The following RYR2 variants were observed in gnomAD, a reference collection of about 807,000 sequenced individuals.
RYR2 encodes the protein cardiac muscle ryanodine receptor-calcium release channel.
A neutral mutation model predicts 601.1 loss-of-function variants in RYR2; 227 were observed. The observed-to-expected ratio is 0.38, with a 90% CI of 0.34 to 0.42. RYR2 has a LOEUF of 0.42. Among genes scored for constraint, RYR2 ranks in the 10% least tolerant of loss-of-function variants. RYR2 has a pLI of 1.00. For missense variants in RYR2, 4,646 were observed against 6,156.5 expected, an observed-to-expected ratio of 0.75 and a Z score of 8.21; for synonymous variants, 2,223 against 2,175.1, an observed-to-expected ratio of 1.02 and a Z score of -0.61.
At chr1:237,083,014 A>G (rs1558201568) in intron 1 of RYR2, among the ~76,000 whole-genome samples, 1 of 152,184 alleles carries the variant, frequency 6.6e-6, no homozygotes, top group Admixed American at 6.6e-5. Context: ...ATAAATGTTT[A>G]TAGTGACTTG....
At chr1:237,573,231 TACACACAC>T (rs10556537) in intron 29 of RYR2, among the ~76,000 whole-genome samples, 109 of 148,716 alleles carry the variant, frequency 7.3e-4, no homozygotes, top group East Asian at 5.4e-3. Flanking sequence ...GATATACACA[TACACACAC>T]ACACACACAC....
intron 17 of RYR2, among the ~76,000 whole-genome samples, chr1:237,474,201 A>ATATGTG (rs1558879970): frequency 7.1e-6 from 1 of 141,172 alleles, no homozygotes; most frequent in Non-Finnish European, 1.5e-5. Context: ...GTGTGTATAT[A>ATATGTG]TGTGTGTGTG....
intron 60 of RYR2, among the ~76,000 whole-genome samples, chr1:237,676,247 T>C (rs1396731867): frequency 6.6e-6 from 1 of 152,180 alleles, no homozygotes; most frequent in African/African-American, 2.4e-5. Context: ...ATTTGTTTTT[T>C]ACTTTCACAT....
chr1:237,130,292 C>CACAAATA (rs1672021565), intron 1 of RYR2, among the ~76,000 whole-genome samples: 1 of 152,070 alleles, frequency 6.6e-6, no homozygotes, highest in African/African-American at 2.4e-5. Context: ...ATGTGAAATT[C>CACAAATA]AAAGCTAGCT....
intron 43 of RYR2, among the ~76,000 whole-genome samples, 183 bp downstream of exon 43, chr1:237,633,893 A>T (rs953079270): frequency 6.6e-6 from 1 of 152,196 alleles, no homozygotes; most frequent in Non-Finnish European, 1.5e-5. Context: ...GCAAAGTGCA[A>T]ATTGAAACCA....
intron 1 of RYR2, among the ~76,000 whole-genome samples, chr1:237,061,299 CTATCTATCT>C (rs1662859009): frequency 1.4e-5 from 2 of 145,756 alleles, no homozygotes; most frequent in African/African-American, 5.0e-5. Flanking sequence ...ATCTATCTAT[CTATCTATCT>C]ATCTATCTAT....
rs147090145 is a variant in RYR2, at chr1:237,398,856, C to T, written c.773+10673C>T. Reference sequence around the variant, plus strand: ...GGAATCAGCTGTGGTATGTCCATAGCGTGGGATACTACTCAGCAGTGAAAT... The same window carrying T: ...GGAATCAGCTGTGGTATGTCCATAGTGTGGGATACTACTCAGCAGTGAAAT... On this transcript the variant is annotated intron_variant, in intron 10 of 104. Transcript: ENST00000366574. 3.7e-3 allele frequency among the ~76,000 whole-genome samples: 564 copies of T among 152,232 alleles called. 4 individuals carry two copies. The highest frequency in any genetic ancestry group is 0.012 in the African/African-American group (510 of 41,532).
intron 1 of RYR2, among the ~76,000 whole-genome samples, chr1:237,134,996 C>G (rs1265324770): frequency 2.0e-5 from 3 of 152,154 alleles, no homozygotes; most frequent in Non-Finnish European, 4.4e-5. Context: ...GGAATAGAAC[C>G]ATGCTGATAA....
rs539340502 is a variant in RYR2 at position 237,746,487 on chromosome 1, G to A, written c.11145+4138G>A. On this transcript the variant is annotated intron_variant, in intron 80 of 104. Transcript: ENST00000366574. Reference sequence around the variant, plus strand: ...AATGCAGTAAAGCTCAAAAAACATGGAAAACAAGGAAAGAGGAATGATTTG... The same window carrying A: ...AATGCAGTAAAGCTCAAAAAACATGAAAAACAAGGAAAGAGGAATGATTTG... Among the ~76,000 whole-genome samples, 3 of 152,128 alleles carry A rather than the reference G, an allele frequency of 2.0e-5. No individual in the cohort carries two copies. In the South Asian group the frequency reaches 6.2e-4, roughly 32 times the overall value.
rs900562086 is a variant in RYR2, at chr1:237,639,101, G to A, written c.7015G>A (p.Gly2339Ser). The stretch of plus-strand genomic sequence containing the variant: ...TTTTGGTCCTGCTTTGAGAGGAGAA[G>A]GTGGGAATGGGCTTCTTGCAGCAAT... ...ECFGPALRGEGGNGLLAAMEE... is the reference protein window; with the variant it reads ...ECFGPALRGESGNGLLAAMEE... Residue 2339 changes from glycine (G) to serine (S), a missense_variant, in exon 46 of 105, where the codon GGT becomes AGT. This residue lies in a region of RYR2 where 1,497 missense variants were observed against 1,842.6 expected (regional missense o/e 0.81). Coordinates refer to ENST00000366574, the MANE Select transcript of RYR2 (RefSeq NM_001035.3). The A allele has an allele frequency of 2.5e-6, 4 of 1,613,906 alleles. No individual in the cohort carries two copies. Among genetic ancestry groups the A allele is most frequent in the Non-Finnish European group, 2.5e-6 (3 of 1,179,874 alleles).
At chr1:237,059,989 T>C (rs987518589) in intron 1 of RYR2, among the ~76,000 whole-genome samples, 1 of 152,182 alleles carries the variant, frequency 6.6e-6, no homozygotes. Flanking sequence ...TAGTTATTAA[T>C]AAGACTCCTA....
At chr1:237,506,862 T>G (rs1483056857) in intron 23 of RYR2, 48 bp downstream of exon 23, 4 of 1,464,462 alleles carry the variant, frequency 2.7e-6, no homozygotes, top group Non-Finnish European at 3.8e-6. Context: ...TACATCTTTC[T>G]GAAAACATAA....
At chr1:237,226,621 G>A (rs995937077) in intron 1 of RYR2, among the ~76,000 whole-genome samples, 11 of 152,256 alleles carry the variant, frequency 7.2e-5, no homozygotes, top group Non-Finnish European at 1.3e-4. Context: ...GGTCACACTG[G>A]ACTGCTAGTT....
At chr1:237,341,212 G>GA (rs1439159374) in intron 3 of RYR2, among the ~76,000 whole-genome samples, 2 of 152,052 alleles carry the variant, frequency 1.3e-5, no homozygotes, top group African/African-American at 4.8e-5. Context: ...GTTTATAATA[G>GA]AAAAAATTTT....
intron 11 of RYR2, among the ~76,000 whole-genome samples, chr1:237,422,777 G>A (rs1408649848): frequency 6.6e-6 from 1 of 152,158 alleles, no homozygotes; most frequent in Non-Finnish European, 1.5e-5. Flanking sequence ...GTATTAGAGG[G>A]TGACTTGGAG....
At chr1:237,618,501 C>CT (rs879651385) in intron 38 of RYR2, among the ~76,000 whole-genome samples, 7 of 152,120 alleles carry the variant, frequency 4.6e-5, no homozygotes, top group Non-Finnish European at 1.0e-4. Context: ...GGTGAGTTCC[C>CT]TGGATTTTCT....
chr1:237,690,857 A>G (rs947795461), intron 63 of RYR2, among the ~76,000 whole-genome samples: 19 of 152,222 alleles, frequency 1.2e-4, no homozygotes, highest in Non-Finnish European at 2.4e-4. Flanking sequence ...TAAAGCCTTT[A>G]TAATACACCC....
At chr1:237,069,356 T>C (rs190760535) in intron 1 of RYR2, among the ~76,000 whole-genome samples, 136 of 152,184 alleles carry the variant, frequency 8.9e-4, no homozygotes, top group Non-Finnish European at 7.4e-5. Flanking sequence ...TGGACTTCTT[T>C]AGGTATTTAA....
chr1:237,792,185 C>G lies in RYR2; in HGVS notation c.13644C>G (p.Asp4548Glu), dbSNP rs1658456091. 6.2e-7 allele frequency: 1 copy of G among 1,613,390 alleles called. No individual in the cohort carries two copies. The highest frequency in any genetic ancestry group is 1.7e-5 in the Admixed American group (1 of 59,956). Reference sequence around the variant, plus strand: ...AAAATGCCAAAGTGACAAGCCTGGACAGCAGCTCCCATAGAATCATCGCAG... The same window carrying G: ...AAAATGCCAAAGTGACAAGCCTGGAGAGCAGCTCCCATAGAATCATCGCAG... ...SSENAKVTSL[D>E]SSSHRIIAVH... The change falls in exon 94 of 105, where the codon GAC (aspartate) becomes GAG (glutamate). Residue 4548 changes from aspartate to glutamate, a missense_variant. Physicochemically the swap from Asp to Glu is conservative, Grantham distance 45. This residue lies in a region of RYR2 where 364 missense variants were observed against 442.9 expected (regional missense o/e 0.82). Transcript: ENST00000366574.
Sources: allele counts gnomAD v4.1 joint callset (sites outside exome capture counted in the v4.1 genomes callset), GRCh38; gene constraint gnomAD v4.1.1; regional missense constraint gnomAD v4.1.1; transcripts MANE v1.5; gene names NCBI Gene and HGNC (gene_info 2026-07-23, HGNC 2026-07-21).